MYO7B: variants seen among roughly 807,000 people sequenced by gnomAD.
MYO7B encodes the protein unconventional myosin-VIIb.
Under a neutral mutation model 259.7 loss-of-function variants are expected in MYO7B, and 212 were observed. The ratio of observed to expected loss-of-function variants is 0.82; its 90% CI spans 0.73 to 0.91. The LOEUF is 0.91. Among genes scored for constraint, MYO7B ranks in the 40% least tolerant of loss-of-function variants. The probability of loss-of-function intolerance (pLI) is 0.00; values close to 1 mark genes in which losing one functional copy is unlikely to be tolerated. For synonymous variants in MYO7B, 1,197 were observed against 1,166.4 expected, an observed-to-expected ratio of 1.03 and a Z score of -0.54; for missense variants, 2,732 against 2,813.5, an observed-to-expected ratio of 0.97 and a Z score of 0.66.
Position 127,592,805 on chromosome 2 carries a change from G to T in MYO7B, c.2004G>T (p.Arg668=). Residue 668 remains arginine (R), a synonymous_variant, in exon 17 of 48, where the codon CGG becomes CGT. Transcript: ENST00000409816. ...NEYKKPLLFD[R]ELCLRQLRYS... ...GTGTCCGCCCACAGCTGTTCGACCG[G>T]GAGCTGTGCCTGCGGCAGCTGCGAT... 1 of 1,610,374 alleles carries T rather than the reference G, an allele frequency of 6.2e-7. No homozygotes were observed. Among genetic ancestry groups the T allele is most frequent in the South Asian group, 1.1e-5 (1 of 90,358 alleles).
In MYO7B at chr2:127,576,544, C is replaced by T; in HGVS notation, c.736-51C>T. On this transcript the variant is annotated intron_variant, in intron 7 of 47. Transcript: ENST00000409816. This position sits in a 1 kb window ranked among gnomAD's most constrained non-coding sequence, Gnocchi z 4.9. ...CAGAGGCAGTCTGAGGCCCTGAGGC[C>T]TCAGGGGAATGGCTCATGAATCTGT... The T allele has an allele frequency of 7.9e-7, 1 of 1,264,892 alleles. No individual in the cohort carries two copies. Among genetic ancestry groups the T allele is most frequent in the Non-Finnish European group, 1.1e-6 (1 of 900,194 alleles). 78.4% of individuals were successfully genotyped at this position (1,264,892 alleles called of 1,614,324 possible).
At position 127,593,712 on chromosome 2, in the gene MYO7B, A is replaced by AGGCCCG; in HGVS notation, c.2244+71_2244+76dup. ...ATGTGGGCTTGTCAGCTCTTGCACCAGGCCCGGGGTCCATGGTCCATGTGC... is the reference window on the plus strand; with the variant it reads ...ATGTGGGCTTGTCAGCTCTTGCACCAGGCCCGGGCCCGGGGTCCATGGTCCATGTGC... On this transcript the variant is annotated intron_variant, in intron 18 of 47. Transcript: ENST00000409816. 9 of 1,432,232 alleles carry AGGCCCG rather than the reference A, an allele frequency of 6.3e-6. No homozygotes were observed. In the South Asian group the frequency reaches 1.1e-4, roughly 17 times the overall value. The allele number at this position is 1,432,232 out of a possible 1,614,324, so 88.7% of individuals were successfully genotyped here.
chr2:127,619,448 G>A, intron 26 of MYO7B, among the ~76,000 whole-genome samples: 1 of 152,052 alleles, frequency 6.6e-6, no homozygotes, highest in East Asian at 1.9e-4. Flanking sequence ...AGGGATGGGA[G>A]GGCTCCAGGA....
At position 127,576,785 on chromosome 2, in the gene MYO7B, A is replaced by G; in HGVS notation, c.849+77A>G. On this transcript the variant is annotated intron_variant, in intron 8 of 47. Transcript: ENST00000409816. The surrounding 1 kb of genome is among the most constrained non-coding windows in gnomAD (Gnocchi z 4.9). ...AGCTTGTGCCGCTCCACCCTCCGCG[A>G]CAGCTGCAGAGAAGCCCAACGCTGG... 9.2e-7 allele frequency: 1 copy of G among 1,084,170 alleles called. No homozygotes were observed. 67.2% of individuals were successfully genotyped at this position (1,084,170 alleles called of 1,614,324 possible). A position where few individuals can be genotyped will look rare whatever the true frequency, so the allele number is the denominator to read the frequency against.
chr2:127,634,717 T>G, intron 42 of MYO7B, 34 bp downstream of exon 42: 1 of 1,529,452 alleles, frequency 6.5e-7, no homozygotes, highest in Non-Finnish European at 9.0e-7. Flanking sequence ...GGGGAGGGCG[T>G]GGCTGGGTGG....
Position 127,609,265 on chromosome 2 carries a change from G to A in MYO7B, c.2815-241G>A, listed in dbSNP as rs1213933062. On this transcript the variant is annotated intron_variant, in intron 22 of 47. Coordinates refer to ENST00000409816, the MANE Select transcript of MYO7B (RefSeq NM_001393586.1). This position sits in a 1 kb window ranked among gnomAD's most constrained non-coding sequence, Gnocchi z 6.9. ...GGCAGAGGACACAGTGTCTGAGCGTGGGGCCAGGAGGGGAGAGGGCAGGAG... is the reference window on the plus strand; with the variant it reads ...GGCAGAGGACACAGTGTCTGAGCGTAGGGCCAGGAGGGGAGAGGGCAGGAG... Among the ~76,000 whole-genome samples, 4 of 152,144 alleles carry A rather than the reference G, an allele frequency of 2.6e-5. No homozygotes were observed.
At chr2:127,630,074 G>A (rs1195008075) in intron 35 of MYO7B, among the ~76,000 whole-genome samples, 3 of 152,172 alleles carry the variant, frequency 2.0e-5, no homozygotes, top group Admixed American at 6.5e-5. Flanking sequence ...GGTGTCCGGG[G>A]GACAAACCCA....
In MYO7B at chr2:127,611,033, T is replaced by C. The variant is rs796866856; in HGVS notation, c.3192+1017T>C. 1.3e-5 allele frequency among the ~76,000 whole-genome samples: 2 copies of C among 152,350 alleles called. No homozygotes were observed. Among genetic ancestry groups the C allele is most frequent in the African/African-American group, 4.8e-5 (2 of 41,574 alleles). On this transcript the variant is annotated intron_variant, in intron 24 of 47. Coordinates refer to ENST00000409816, the MANE Select transcript of MYO7B (RefSeq NM_001393586.1). The surrounding 1 kb of genome is among the most constrained non-coding windows in gnomAD (Gnocchi z 5.4). ...CTGCATAGTCCCAGTTCAGGGTCCCTCATGAGGTTGCTGTCAAGCTGTCCC... is the reference window on the plus strand; with the variant it reads ...CTGCATAGTCCCAGTTCAGGGTCCCCCATGAGGTTGCTGTCAAGCTGTCCC...
chr2:127,585,031 T>G lies in MYO7B; in HGVS notation c.1690+118T>G. ...CAGCTCTAGCAATGGGGCAGAGGGA[T>G]GAGTAGTATGGCTTCTACTGGAGAA... On this transcript the variant is annotated intron_variant, in intron 14 of 47. Transcript: ENST00000409816. The surrounding 1 kb of genome is among the most constrained non-coding windows in gnomAD (Gnocchi z 4.3). 1 of 1,312,976 alleles carries G rather than the reference T, an allele frequency of 7.6e-7. No homozygotes were observed. The highest frequency in any genetic ancestry group is 1.1e-6 in the Non-Finnish European group (1 of 939,428). The allele number at this position is 1,312,976 out of a possible 1,614,324, so 81.3% of individuals were successfully genotyped here.
At chr2:127,549,147 T>C (rs546378842) in intron 1 of MYO7B, among the ~76,000 whole-genome samples, 26 of 143,000 alleles carry the variant, frequency 1.8e-4, no homozygotes, top group Admixed American at 5.5e-4. Flanking sequence ...CTTTCTTCTT[T>C]CTTCCTTCCT....
intron 1 of MYO7B, among the ~76,000 whole-genome samples, chr2:127,549,923 C>T (rs960005642): frequency 6.6e-6 from 1 of 152,192 alleles, no homozygotes; most frequent in Non-Finnish European, 1.5e-5. Context: ...AAGGCAGAGA[C>T]AGGATTTCTG....
At chr2:127,630,642 G>A in intron 35 of MYO7B, 136 bp from the exon 36 acceptor site, 2 of 1,214,196 alleles carry the variant, frequency 1.6e-6, no homozygotes, top group South Asian at 3.1e-5. Flanking sequence ...TGACAGGGGT[G>A]TGGGTAAGCC....
At chr2:127,633,697 C>G (rs1000050044) in intron 40 of MYO7B, among the ~76,000 whole-genome samples, 5 of 152,184 alleles carry the variant, frequency 3.3e-5, no homozygotes, top group African/African-American at 1.2e-4. Flanking sequence ...GGTATTCCCA[C>G]TGTGTGTGCC....
At chr2:127,619,226 G>C (rs1273684601) in intron 26 of MYO7B, among the ~76,000 whole-genome samples, 1 of 107,108 alleles carries the variant, frequency 9.3e-6, no homozygotes, top group Non-Finnish European at 1.9e-5. Context: ...GTGGTGGGGG[G>C]TGGTTGGGTT....
rs77149974 is a variant in MYO7B at position 127,547,699 on chromosome 2, C to T, written c.-24+11868C>T. Among the ~76,000 whole-genome samples the T allele has an allele frequency of 5.9e-3, 894 of 152,216 alleles. 8 individuals are homozygous for T. Among genetic ancestry groups the T allele is most frequent in the African/African-American group, 0.02 (843 of 41,530 alleles). ...TTCTGAGAGTCCAGCAGCAGCAAGGCCACCTGGGATGCTTCCAACCTCCCA... is the reference window on the plus strand; with the variant it reads ...TTCTGAGAGTCCAGCAGCAGCAAGGTCACCTGGGATGCTTCCAACCTCCCA... On this transcript the variant is annotated intron_variant, in intron 1 of 47. Transcript: ENST00000409816.
intron 39 of MYO7B, 119 bp downstream of exon 39, chr2:127,632,520 G>A: frequency 7.6e-7 from 1 of 1,317,546 alleles, no homozygotes; most frequent in South Asian, 1.6e-5. Context: ...AGAAGCCAGT[G>A]TCAGCTTGGC....
intron 1 of MYO7B, among the ~76,000 whole-genome samples, chr2:127,555,680 T>G (rs1490581989): frequency 6.6e-6 from 1 of 152,234 alleles, no homozygotes; most frequent in Non-Finnish European, 1.5e-5. Flanking sequence ...AGCTAGTTAT[T>G]TCATTTCCAT....
intron 10 of MYO7B, 94 bp downstream of exon 10, chr2:127,580,916 C>T: frequency 1.6e-6 from 2 of 1,227,936 alleles, no homozygotes; most frequent in South Asian, 1.3e-5. Flanking sequence ...TAACCCTACC[C>T]AGGCCCCCAC....
intron 9 of MYO7B, among the ~76,000 whole-genome samples, chr2:127,580,095 T>G (rs528508705): frequency 1.3e-5 from 2 of 152,324 alleles, no homozygotes; most frequent in Non-Finnish European, 2.9e-5. Flanking sequence ...ACTTTATTCT[T>G]TACAACACAG....
Sources: allele counts gnomAD v4.1 joint callset (sites outside exome capture counted in the v4.1 genomes callset), GRCh38; gene constraint gnomAD v4.1.1; non-coding constraint Gnocchi (gnomAD v3.1); transcripts MANE v1.5; gene names NCBI Gene and HGNC (gene_info 2026-07-23, HGNC 2026-07-21).